Variants in HEG1 observed in about 807,000 individuals in gnomAD.
The protein encoded by HEG1 is protein HEG homolog 1.
In HEG1, 56 loss-of-function variants were observed where a neutral mutation model predicts 125.6. The ratio of observed to expected loss-of-function variants is 0.45; its 90% confidence interval spans 0.36 to 0.56. The LOEUF (loss-of-function observed/expected upper bound fraction) is 0.56, where lower values mean the gene tolerates loss of function less well. Ranked by LOEUF, HEG1 falls within the 20% of genes least tolerant of loss-of-function variation. The pLI is 0.00. For synonymous variants in HEG1, 644 were observed against 668.5 expected, an observed-to-expected ratio of 0.96 and a Z score of 0.57; for missense variants, 1,523 against 1,670.0, an observed-to-expected ratio of 0.91 and a Z score of 1.53.
At chr3:125,020,761 C>G in intron 4 of HEG1, 31 bp downstream of exon 4, 2 of 1,564,772 alleles carry the variant, frequency 1.3e-6, no homozygotes, top group Non-Finnish European at 8.7e-7. Flanking sequence ...ACAAATGTCC[C>G]TAATAGATCA....
At chr3:125,003,775 T>G (rs56020154) in intron 9 of HEG1, among the ~76,000 whole-genome samples, 6,222 of 152,314 alleles carry the variant, frequency 0.041, 403 homozygotes, top group African/African-American at 0.14. Flanking sequence ...GAGTTAACAC[T>G]GTGCATGACT....
At chr3:125,014,083 C>T (rs1476727706) in intron 5 of HEG1, 93 bp from the exon 6 acceptor site, 2 of 1,153,164 alleles carry the variant, frequency 1.7e-6, no homozygotes, top group East Asian at 2.6e-5. Context: ...TCATGAAACT[C>T]AATGAATTCA....
At chr3:124,997,414 G>GA (rs139124674) in intron 12 of HEG1, among the ~76,000 whole-genome samples, 8 of 150,396 alleles carry the variant, frequency 5.3e-5, no homozygotes, top group South Asian at 2.1e-4. Context: ...CCTTTAAATG[G>GA]AAAAAAAAAG....
chr3:125,034,053 T>A (rs1937523602), intron 1 of HEG1, among the ~76,000 whole-genome samples: 1 of 149,864 alleles, frequency 6.7e-6, no homozygotes, highest in African/African-American at 2.5e-5. Context: ...GTAAATTATA[T>A]CTCCAATACA....
intron 1 of HEG1, among the ~76,000 whole-genome samples, chr3:125,047,142 G>A (rs1015631997): frequency 2.0e-5 from 3 of 152,230 alleles, no homozygotes; most frequent in African/African-American, 7.2e-5. Context: ...GTCCAACGAG[G>A]GGAAGACCAG....
intron 1 of HEG1, among the ~76,000 whole-genome samples, chr3:125,048,044 T>C (rs533019697): frequency 6.6e-6 from 1 of 152,274 alleles, no homozygotes; most frequent in East Asian, 1.9e-4. Context: ...TTCAGGGTCT[T>C]CAGTGAGGTC....
At chr3:124,975,736 T>C (rs567197138) in intron 15 of HEG1, among the ~76,000 whole-genome samples, 1 of 152,344 alleles carries the variant, frequency 6.6e-6, no homozygotes, top group South Asian at 2.1e-4. Context: ...CCAACTCTAT[T>C]AGATTTGCCT....
chr3:124,972,417 ATTTC>A (rs947093007), intron 16 of HEG1, among the ~76,000 whole-genome samples: 3 of 152,206 alleles, frequency 2.0e-5, no homozygotes, highest in African/African-American at 7.2e-5. Flanking sequence ...CTAAGTTTGT[ATTTC>A]TTTATGTTTT....
intron 10 of HEG1, 29 bp from the exon 11 acceptor site, chr3:125,002,041 A>T (rs1937008776): frequency 1.2e-6 from 2 of 1,612,808 alleles, no homozygotes; most frequent in Non-Finnish European, 1.7e-6. Context: ...GGTTTTTAAC[A>T]GCCCTGAAAT....
intron 12 of HEG1, among the ~76,000 whole-genome samples, chr3:124,993,295 T>A (rs1029048577): frequency 6.6e-6 from 1 of 152,252 alleles, no homozygotes; most frequent in Admixed American, 6.5e-5. Context: ...TACATATTTT[T>A]AAATCTTATA....
chr3:125,054,501 T>G (rs1332390814), intron 1 of HEG1, among the ~76,000 whole-genome samples: 1 of 152,230 alleles, frequency 6.6e-6, no homozygotes, highest in Non-Finnish European at 1.5e-5. Flanking sequence ...CCAGAAAGTC[T>G]GCATGAGATG....
intron 8 of HEG1, among the ~76,000 whole-genome samples, chr3:125,007,283 A>G (rs1937086234): frequency 1.3e-5 from 2 of 151,920 alleles, no homozygotes; most frequent in Middle Eastern, 3.4e-3. Context: ...TAAACGTGGC[A>G]TCTGCTTTTG....
intron 1 of HEG1, among the ~76,000 whole-genome samples, chr3:125,037,716 G>A (rs1041696072): frequency 2.6e-5 from 4 of 152,232 alleles, no homozygotes; most frequent in Non-Finnish European, 2.9e-5. Flanking sequence ...TACCAAAGTC[G>A]CCTGCACTGG....
chr3:125,004,369 G>A (rs1244953237), intron 9 of HEG1, among the ~76,000 whole-genome samples: 1 of 152,214 alleles, frequency 6.6e-6, no homozygotes, highest in Non-Finnish European at 1.5e-5. Flanking sequence ...AGAACTCACT[G>A]TATAGATGAG....
At chr3:125,005,195 T>C (rs1432818502) in intron 9 of HEG1, 70 bp downstream of exon 9, 3 of 880,826 alleles carry the variant, frequency 3.4e-6, no homozygotes, top group Non-Finnish European at 3.6e-6. Flanking sequence ...CGCTAGGCAG[T>C]CCCCTCTTGG....
rs1476113192 is a variant in HEG1, at chr3:125,001,922, T to C, written c.3447A>G (p.Lys1149=). 3 of 1,613,898 alleles carry C rather than the reference T, an allele frequency of 1.9e-6. No homozygotes were observed. The highest frequency in any genetic ancestry group is 2.5e-6 in the Non-Finnish European group (3 of 1,179,848). ...CAGAGGACTTGCAGGAGTTGACACA[T>C]TTCTGCATCCTATCAGCCAGGTCAA... The part of the protein sequence containing the change: ...TLFDLADRMQ[K]CVNSCKSSAE... Residue 1149 remains lysine (K), a synonymous_variant, in exon 11 of 17, where the codon AAA becomes AAG. Transcript: ENST00000311127.
At chr3:124,983,501 A>ATT (rs542232252) in intron 14 of HEG1, among the ~76,000 whole-genome samples, 89 of 138,442 alleles carry the variant, frequency 6.4e-4, no homozygotes, top group East Asian at 1.7e-3. Context: ...TGCCTGGCTG[A>ATT]TTTTTTTTTT....
chr3:125,020,742 C>T (rs1937323062), intron 4 of HEG1, 50 bp downstream of exon 4: 1 of 1,498,632 alleles, frequency 6.7e-7, no homozygotes, highest in East Asian at 2.3e-5. Flanking sequence ...TAAGAAAATT[C>T]AATGATTTAC....
chr3:125,027,450 G>A lies in HEG1; in HGVS notation c.668C>T (p.Ala223Val). ...SSSEFDERIAAFQTKSGTASE... is the reference protein window; with the variant it reads ...SSSEFDERIAVFQTKSGTASE... ...GGCTGTTCCACTCTTTGTTTGAAAA[G>A]CGGCAATTCTTTCATCGAACTCTGA... Residue 223 changes from alanine (A) to valine (V), a missense_variant, in exon 3 of 17, where the codon GCT (alanine) becomes GTT (valine). Transcript: ENST00000311127. 6.2e-7 allele frequency: 1 copy of A among 1,613,746 alleles called. No individual in the cohort carries two copies. Among genetic ancestry groups the A allele is most frequent in the South Asian group, 1.1e-5 (1 of 90,972 alleles).
Sources: allele counts gnomAD v4.1 joint callset (sites outside exome capture counted in the v4.1 genomes callset), GRCh38; gene constraint gnomAD v4.1.1; transcripts MANE v1.5; gene names NCBI Gene and HGNC (gene_info 2026-07-23, HGNC 2026-07-21).